Variants in ANKZF1 observed in about 807,000 individuals in gnomAD.
ANKZF1 encodes tRNA endonuclease ANKZF1.
ANKZF1 carries 84 observed loss-of-function variants against 86.0 expected under a neutral mutation model. The observed-to-expected ratio is 0.98, with a 90% CI of 0.82 to 1.17. The LOEUF is 1.17. ANKZF1 is among the 50% of genes most tolerant of loss of function. The pLI, the probability that ANKZF1 is intolerant of heterozygous loss-of-function variation, is 0.00. For missense variants in ANKZF1, 893 were observed against 918.4 expected, an observed-to-expected ratio of 0.97 and a Z score of 0.36; for synonymous variants, 331 against 354.2, an observed-to-expected ratio of 0.93 and a Z score of 0.74.
rs754026129 is a variant in ANKZF1 at position 219,232,608 on chromosome 2, C to CTAAA, written c.483_484insTAAA (p.Pro162Ter). The CTAAA allele has an allele frequency of 6.2e-7, 1 of 1,614,196 alleles. No individual in the cohort carries two copies. The highest frequency in any genetic ancestry group is 1.7e-4 in the Middle Eastern group (1 of 6,058). On this transcript the variant is annotated stop_gained and frameshift_variant, in exon 5 of 14. Coordinates refer to ENST00000323348, the MANE Select transcript of ANKZF1 (RefSeq NM_018089.3). LOFTEE classifies it high-confidence loss of function. ...AGTTGAGCCGACCCCCAGGCTTTTA[C>CTAAA]CCTCATCGAGTTCTTTTCCAGAATG...
intron 8 of ANKZF1, 66 bp from the exon 9 acceptor site, chr2:219,234,067 A>G: frequency 6.4e-7 from 1 of 1,572,562 alleles, no homozygotes; most frequent in Non-Finnish European, 8.6e-7. Context: ...CTACATCTGC[A>G]TTGAGAGAAA....
At chr2:219,233,230 C>T in intron 6 of ANKZF1, 39 bp downstream of exon 6, 1 of 1,614,142 alleles carries the variant, frequency 6.2e-7, no homozygotes, top group Non-Finnish European at 8.5e-7. Context: ...TGGAGTGGAT[C>T]CTGTTAGCCA....
rs1307268675 is a variant in ANKZF1, at chr2:219,232,184, A to AT, written c.262-75dup. 2.7e-6 allele frequency: 4 copies of AT among 1,487,224 alleles called. No homozygotes were observed. In the African/African-American group the frequency reaches 4.2e-5, roughly 16 times the overall value. The allele number at this position is 1,487,224 out of a possible 1,614,324, so 92.1% of individuals were successfully genotyped here. A position where few individuals can be genotyped will look rare whatever the true frequency, so the allele number is the denominator to read the frequency against. ...ACCTGGTTGTACTTCCTAGAATACT[A>AT]TAACTGGTCTTGGCCAGTACAAGGC... On this transcript the variant is annotated intron_variant, in intron 3 of 13. Coordinates refer to ENST00000323348, the MANE Select transcript of ANKZF1 (RefSeq NM_018089.3).
chr2:219,230,063 G>T (rs1950982548), intron 1 of ANKZF1, 163 bp downstream of exon 1: 1 of 545,308 alleles, frequency 1.8e-6, no homozygotes, highest in Non-Finnish European at 3.2e-6. Flanking sequence ...TGAGACTGGG[G>T]GTTTGAGAAA....
At chr2:219,230,156 C>T (rs1559250344) in intron 1 of ANKZF1, 72 bp from the exon 2 acceptor site, 3 of 1,377,540 alleles carry the variant, frequency 2.2e-6, no homozygotes, top group Non-Finnish European at 3.0e-6. Flanking sequence ...GAAACCAAGT[C>T]AGGCAGGCAG....
rs368796916 is a variant in ANKZF1, at chr2:219,235,879, A to G, written c.1971+4A>G. The G allele has an allele frequency of 2.5e-6, 4 of 1,613,954 alleles. No individual in the cohort carries two copies. In the African/African-American group the frequency reaches 5.3e-5, roughly 22 times the overall value. The stretch of plus-strand genomic sequence containing the variant: ...CGCCCTCAGTGACCGAGAGAAGGTG[A>G]GGCTGGAGGTTCTCTTGTCCATGGC... On this transcript the variant is annotated splice_donor_region_variant and intron_variant, in intron 12 of 13. Coordinates refer to ENST00000323348, the MANE Select transcript of ANKZF1 (RefSeq NM_018089.3).
intron 7 of ANKZF1, 65 bp from the exon 8 acceptor site, chr2:219,233,650 T>C (rs956130827): frequency 9.2e-6 from 14 of 1,525,102 alleles, no homozygotes; most frequent in Non-Finnish European, 1.1e-5. Context: ...TGGGCCATTT[T>C]TTTTAGTTGG....
intron 1 of ANKZF1, 158 bp downstream of exon 1, chr2:219,230,058 C>G (rs951623750): frequency 7.5e-6 from 4 of 534,962 alleles, no homozygotes; most frequent in Non-Finnish European, 1.3e-5. Flanking sequence ...TGGGCTGAGA[C>G]TGGGGGTTTG....
intron 9 of ANKZF1, 64 bp downstream of exon 9, chr2:219,234,352 C>A: frequency 6.2e-7 from 1 of 1,602,584 alleles, no homozygotes; most frequent in Non-Finnish European, 8.5e-7. Context: ...CTGGCAAATT[C>A]CCTACTCTCA....
At position 219,235,601 on chromosome 2, in the gene ANKZF1, A is replaced by G. The variant is rs769315899; in HGVS notation, c.1803+16A>G. ...CAAGGCTCAGGTCATCTGGAATAGG[A>G]AGGACAAGCAGAGTGGGAAGGCATC... On this transcript the variant is annotated intron_variant, in intron 11 of 13. Transcript: ENST00000323348. 19 of 1,613,754 alleles carry G rather than the reference A, an allele frequency of 1.2e-5. No individual in the cohort carries two copies. The African/African-American group carries it at 2.1e-4, about 18-fold the overall frequency.
rs1951119081 is a variant in ANKZF1, at chr2:219,233,788, C to T, written c.893C>T (p.Ala298Val). The T allele has an allele frequency of 1.9e-6, 3 of 1,613,988 alleles. No homozygotes were observed. The highest frequency in any genetic ancestry group is 1.7e-6 in the Non-Finnish European group (2 of 1,180,046). Residue 298 changes from alanine (A) to valine (V), a missense_variant, in exon 8 of 14, where the codon GCT becomes GTT. By Grantham distance (64) the Ala-to-Val change is moderately conservative. Coordinates refer to ENST00000323348, the MANE Select transcript of ANKZF1 (RefSeq NM_018089.3). ...LEEAGTILLR[A>V]PRSGRSLFFG... Reference sequence around the variant, plus strand: ...GAGGCTGGTACAATACTGTTGCGTGCTCCCCGCTCTGGCCGGTCTTTGTTC... The same window carrying T: ...GAGGCTGGTACAATACTGTTGCGTGTTCCCCGCTCTGGCCGGTCTTTGTTC...
chr2:219,232,606 T>C lies in ANKZF1; in HGVS notation c.481T>C (p.Tyr161His), dbSNP rs774575594. The change falls in exon 5 of 14, where the codon TAC becomes CAC. Residue 161 changes from tyrosine (Y) to histidine (H), a missense_variant. Tyr to His is a moderately conservative substitution (Grantham distance 83, BLOSUM62 2). Transcript: ENST00000323348. The stretch of plus-strand genomic sequence containing the variant: ...GAAGTTGAGCCGACCCCCAGGCTTT[T>C]ACCCTCATCGAGTTCTTTTCCAGAA... ...FEKLSRPPGFYPHRVLFQNAQ... is the reference protein window; with the variant it reads ...FEKLSRPPGFHPHRVLFQNAQ... 6 of 1,614,122 alleles carry C rather than the reference T, an allele frequency of 3.7e-6. No homozygotes were observed. The highest frequency in any genetic ancestry group is 4.2e-6 in the Non-Finnish European group (5 of 1,180,056).
chr2:219,232,241 C>T lies in ANKZF1; in HGVS notation c.262-19C>T, dbSNP rs953633790. The T allele has an allele frequency of 1.9e-6, 3 of 1,610,956 alleles. No homozygotes were observed. Among genetic ancestry groups the T allele is most frequent in the African/African-American group, 2.7e-5 (2 of 74,992 alleles). ...GGGGCATATTTCCACCTTTATCTCA[C>T]TCTTTGTCTTTGTACTAGAGGGAAC... is the stretch of plus-strand genomic sequence containing the variant. On this transcript the variant is annotated intron_variant, in intron 3 of 13. Transcript: ENST00000323348.
intron 10 of ANKZF1, 79 bp downstream of exon 10, chr2:219,235,391 G>A (rs1951179141): frequency 6.3e-7 from 1 of 1,597,694 alleles, no homozygotes; most frequent in Non-Finnish European, 8.5e-7. Flanking sequence ...TTGGCTACTT[G>A]GCAATATTCC....
At chr2:219,232,422 G>T in intron 4 of ANKZF1, 60 bp downstream of exon 4, 1 of 1,611,220 alleles carries the variant, frequency 6.2e-7, no homozygotes, top group Non-Finnish European at 8.5e-7. Context: ...GAAAGCACTA[G>T]TTTAGAGTTT....
Position 219,234,155 on chromosome 2 carries a change from C to CA in ANKZF1, c.1072dup (p.Arg358LysfsTer21). On this transcript the variant is annotated frameshift_variant, in exon 9 of 14. Transcript: ENST00000323348. LOFTEE classifies it high-confidence loss of function. Reference sequence around the variant, plus strand: ...CAGAAGAAGACCCTCGGGAAGCAGTCAGACTGCACTCACCTCAGACACACT... The same window carrying CA: ...CAGAAGAAGACCCTCGGGAAGCAGTCAAGACTGCACTCACCTCAGACACACT... 2 of 1,612,888 alleles carry CA rather than the reference C, an allele frequency of 1.2e-6. No homozygotes were observed. Among genetic ancestry groups the CA allele is most frequent in the Non-Finnish European group, 1.7e-6 (2 of 1,179,760 alleles).
rs768750235 is a variant in ANKZF1, at chr2:219,235,355, G to A, written c.1691+43G>A. ...TCCTGAGTCATTTTGGGTATAGAGA[G>A]GATAATTTGGAGGTTAAAGTTGGCA... is the stretch of plus-strand genomic sequence containing the variant. On this transcript the variant is annotated intron_variant, in intron 10 of 13. Coordinates refer to ENST00000323348, the MANE Select transcript of ANKZF1 (RefSeq NM_018089.3). The A allele has an allele frequency of 6.9e-6, 11 of 1,596,474 alleles. No homozygotes were observed. The African/African-American group carries it at 1.3e-4, about 19-fold the overall frequency.
chr2:219,232,765 C>T, intron 5 of ANKZF1, 82 bp downstream of exon 5: 1 of 1,406,628 alleles, frequency 7.1e-7, no homozygotes, highest in Non-Finnish European at 9.7e-7. Context: ...GTGCATTTCT[C>T]CCTGCTTCTC....
intron 8 of ANKZF1, 59 bp from the exon 9 acceptor site, chr2:219,234,074 G>T: frequency 6.3e-7 from 1 of 1,577,062 alleles, no homozygotes; most frequent in South Asian, 1.2e-5. Context: ...TGCATTGAGA[G>T]AAACCTGCGC....
Sources: gnomAD v4.1 joint callset for allele counts on GRCh38, gnomAD v4.1.1 for gene constraint, MANE v1.5 for transcripts, NCBI Gene and HGNC (gene_info 2026-07-23, HGNC 2026-07-21) for gene names.